Variants in KDELR3 observed in about 807,000 individuals in gnomAD.
KDELR3 encodes the protein ER lumen protein-retaining receptor 3.
Under a neutral mutation model 22.7 loss-of-function variants are expected in KDELR3, and 26 were observed. The ratio of observed to expected loss-of-function variants is 1.15; its 90% CI spans 0.84 to 1.59. The LOEUF (loss-of-function observed/expected upper bound fraction) is 1.59. Ranked by LOEUF, KDELR3 falls within the 40% of genes most tolerant of loss-of-function variation. The probability of loss-of-function intolerance (pLI) is 0.00; values close to 1 mark genes in which losing one functional copy is unlikely to be tolerated. For missense variants in KDELR3, 289 were observed against 251.1 expected, an observed-to-expected ratio of 1.15 and a Z score of -1.02; for synonymous variants, 120 against 98.2, an observed-to-expected ratio of 1.22 and a Z score of -1.31.
chr22:38,468,378 C>A, intron 1 of KDELR3, 54 bp downstream of exon 1: 1 of 1,547,036 alleles, frequency 6.5e-7, no homozygotes, highest in Non-Finnish European at 8.9e-7. Flanking sequence ...CAGCCTCATG[C>A]CCCTGCGTGC....
At chr22:38,475,067 G>T in intron 2 of KDELR3, among the ~76,000 whole-genome samples, 1 of 112,418 alleles carries the variant, frequency 8.9e-6, no homozygotes, top group Non-Finnish European at 1.7e-5. Flanking sequence ...GTGACAGAGT[G>T]AGACTCTGTC....
intron 2 of KDELR3, among the ~76,000 whole-genome samples, chr22:38,475,676 G>A (rs1602659536): frequency 6.6e-6 from 1 of 152,160 alleles, no homozygotes; most frequent in East Asian, 1.9e-4. Flanking sequence ...GCCCAGGCTG[G>A]AGTGCAGCAG....
chr22:38,480,427 A>C (rs1047439902), intron 3 of KDELR3, among the ~76,000 whole-genome samples: 3 of 152,088 alleles, frequency 2.0e-5, no homozygotes, highest in Admixed American at 1.3e-4. Context: ...TATAGGTGTG[A>C]GCCTGGCAAC....
chr22:38,479,104 A>C (rs1179280017), intron 2 of KDELR3, among the ~76,000 whole-genome samples: 1 of 152,204 alleles, frequency 6.6e-6, no homozygotes, highest in East Asian at 1.9e-4. Context: ...TTAGCAGGCC[A>C]TAAGTAGTCC....
At position 38,481,239 on chromosome 22, in the gene KDELR3, G is replaced by A; in HGVS notation, c.379G>A (p.Glu127Lys). ...CCTCTGGACTTTCTCTATCTATCTG[G>A]AATCAGTGGCTATCCTGCCCCAGCT... ...EILWTFSIYL[E>K]SVAILPQLFM... Residue 127 changes from glutamate (E) to lysine (K), a missense_variant, in exon 4 of 5, where the codon GAA becomes AAA. Physicochemically the swap from Glu to Lys is moderately conservative, Grantham distance 56. Transcript: ENST00000216014. The A allele has an allele frequency of 6.2e-7, 1 of 1,614,072 alleles. No homozygotes were observed. The highest frequency in any genetic ancestry group is 8.5e-7 in the Non-Finnish European group (1 of 1,180,010).
At chr22:38,476,856 G>C (rs1278937174) in intron 2 of KDELR3, among the ~76,000 whole-genome samples, 1 of 144,780 alleles carries the variant, frequency 6.9e-6, no homozygotes, top group Non-Finnish European at 1.5e-5. Flanking sequence ...AGACAGAGTG[G>C]AGTGCAGTGG....
At position 38,474,512 on chromosome 22, in the gene KDELR3, C is replaced by T; in HGVS notation, c.92-11C>T. 1 of 1,609,728 alleles carries T rather than the reference C, an allele frequency of 6.2e-7. No individual in the cohort carries two copies. ...GTGTCCTCATTGTCTCCTGTCTACCCTTGGCCACAGGCATCTCTGGGAAGA... is the reference window on the plus strand; with the variant it reads ...GTGTCCTCATTGTCTCCTGTCTACCTTTGGCCACAGGCATCTCTGGGAAGA... On this transcript the variant is annotated splice_polypyrimidine_tract_variant and intron_variant, in intron 1 of 4. Transcript: ENST00000216014.
At chr22:38,475,079 CAAAAAAA>C (rs1018109138) in intron 2 of KDELR3, among the ~76,000 whole-genome samples, 21 of 20,458 alleles carry the variant, frequency 1.0e-3, no homozygotes, top group African/African-American at 2.4e-3. Flanking sequence ...GACTCTGTCT[CAAAAAAA>C]AAAAAAAAAA....
chr22:38,468,678 T>G (rs981368274), intron 1 of KDELR3, among the ~76,000 whole-genome samples: 1 of 152,058 alleles, frequency 6.6e-6, no homozygotes, highest in Non-Finnish European at 1.5e-5. Context: ...GAAGCAGATA[T>G]GCACTCAGGA....
At chr22:38,480,428 G>C (rs1275960639) in intron 3 of KDELR3, among the ~76,000 whole-genome samples, 1 of 152,100 alleles carries the variant, frequency 6.6e-6, no homozygotes, top group Non-Finnish European at 1.5e-5. Flanking sequence ...ATAGGTGTGA[G>C]CCTGGCAACA....
At chr22:38,473,747 C>A (rs537148325) in intron 1 of KDELR3, among the ~76,000 whole-genome samples, 43 of 152,096 alleles carry the variant, frequency 2.8e-4, no homozygotes, top group Non-Finnish European at 5.3e-4. Flanking sequence ...CCAAGGCGGG[C>A]AGATCACTTG....
At chr22:38,478,534 C>CA (rs138431) in intron 2 of KDELR3, among the ~76,000 whole-genome samples, 54,002 of 71,476 alleles carry the variant, frequency 0.76, 21,228 homozygotes, top group Non-Finnish European at 0.83. Context: ...GACTCCATCT[C>CA]AAAAAAAAAA....
chr22:38,478,913 G>A (rs2089579459), intron 2 of KDELR3, among the ~76,000 whole-genome samples: 1 of 151,974 alleles, frequency 6.6e-6, no homozygotes, highest in African/African-American at 2.4e-5. Flanking sequence ...AAGGTGCTGG[G>A]ATTACAGGTG....
intron 1 of KDELR3, among the ~76,000 whole-genome samples, chr22:38,473,259 C>G (rs1335687685): frequency 2.0e-5 from 3 of 151,720 alleles, no homozygotes; most frequent in Non-Finnish European, 4.4e-5. Flanking sequence ...TCTGTCTCTA[C>G]AAAAATAATA....
rs1307553767 is a variant in KDELR3 at position 38,481,434 on chromosome 22, T to C, written c.574T>C (p.Cys192Arg). The change falls in exon 4 of 5, where the codon TGT (cysteine) becomes CGT (arginine). Residue 192 changes from cysteine (C) to arginine (R), a missense_variant. Coordinates refer to ENST00000216014, the MANE Select transcript of KDELR3 (RefSeq NM_006855.4). ...VSGVVQTIFY[C>R]DFFYLYVTKV... Reference sequence around the variant, plus strand: ...TGGAGTAGTACAAACCATCTTCTACTGTGACTTCTTCTACTTGTATGTGAC... The same window carrying C: ...TGGAGTAGTACAAACCATCTTCTACCGTGACTTCTTCTACTTGTATGTGAC... The C allele has an allele frequency of 3.7e-6, 6 of 1,614,068 alleles. No homozygotes were observed. The East Asian group carries it at 8.9e-5, about 24-fold the overall frequency.
intron 1 of KDELR3, among the ~76,000 whole-genome samples, chr22:38,473,393 A>G (rs957314139): frequency 2.0e-5 from 3 of 152,188 alleles, no homozygotes; most frequent in African/African-American, 4.8e-5. Context: ...GTGAGCTATG[A>G]TTGCACCACT....
intron 3 of KDELR3, among the ~76,000 whole-genome samples, chr22:38,480,515 G>C (rs1432602750): frequency 6.6e-6 from 1 of 151,880 alleles, no homozygotes; most frequent in African/African-American, 2.4e-5. Context: ...TTTTTGGCCG[G>C]GCACGGTGGC....
rs79916712 is a variant in KDELR3 at position 38,481,522 on chromosome 22, A to C, written c.604+58A>C. 1,062 of 1,610,892 alleles carry C rather than the reference A, an allele frequency of 6.6e-4. 13 individuals are homozygous for C. The African/African-American group carries it at 0.013, about 19-fold the overall frequency. On this transcript the variant is annotated intron_variant, in intron 4 of 4. Transcript: ENST00000216014. ...GGCCTAAGGAGTTACTCATCCATTT[A>C]ATAAGTATTCCAGCAGATACAGATG...
rs1569134113 is a variant in KDELR3, at chr22:38,481,716, A to C, written c.604+252A>C. ...ACAGAATACTTGGTTAGTAGTGAAA[A>C]ACATTCCAGAACTTATTACAAGCCC... On this transcript the variant is annotated intron_variant, in intron 4 of 4. Coordinates refer to ENST00000216014, the MANE Select transcript of KDELR3 (RefSeq NM_006855.4). 3 of 1,222,600 alleles carry C rather than the reference A, an allele frequency of 2.5e-6. No individual in the cohort carries two copies. In the East Asian group the frequency reaches 8.4e-5, roughly 34 times the overall value. 75.7% of individuals were successfully genotyped at this position (1,222,600 alleles called of 1,614,324 possible).
Sources: allele counts gnomAD v4.1 joint callset (sites outside exome capture counted in the v4.1 genomes callset), GRCh38; gene constraint gnomAD v4.1.1; transcripts MANE v1.5; gene names NCBI Gene and HGNC (gene_info 2026-07-23, HGNC 2026-07-21).